KIF21B: variants seen among roughly 807,000 people sequenced by gnomAD.
KIF21B encodes the protein kinesin-like protein KIF21B.
In KIF21B, 85 loss-of-function variants were observed where a neutral mutation model predicts 192.9. The ratio of observed to expected loss-of-function variants is 0.44; its 90% CI spans 0.37 to 0.53. The LOEUF is 0.53. Ranked by LOEUF, KIF21B falls within the 20% of genes least tolerant of loss-of-function variation. The pLI, the probability that KIF21B is intolerant of heterozygous loss-of-function variation, is 0.00. For missense variants in KIF21B, 1,716 were observed against 2,194.8 expected (o/e 0.78, Z 4.36); for synonymous variants, 832 against 884.6 (o/e 0.94, Z 1.05).
rs924419494 is a variant in KIF21B, at chr1:200,972,237, C to T, written c.*1284G>A. 2 of 152,306 alleles carry T rather than the reference C, an allele frequency of 1.3e-5. No homozygotes were observed. The highest frequency in any genetic ancestry group is 2.4e-5 in the African/African-American group (1 of 41,444). 9.4% of individuals were successfully genotyped at this position (152,306 alleles called of 1,614,324 possible). ...CTCCCTCTTCCTTGATAATTTTCTG[C>T]AAGGGAGGGCCTGCGCTCCATGCCA... On this transcript the variant is annotated 3_prime_UTR_variant, in exon 35 of 35. Transcript: ENST00000461742.
Position 200,975,311 on chromosome 1 carries a change from G to A in KIF21B, c.4614+188C>T, listed in dbSNP as rs1557994801. Among the ~76,000 whole-genome samples the A allele has an allele frequency of 6.6e-6, 1 of 152,200 alleles. No individual in the cohort carries two copies. Among genetic ancestry groups the A allele is most frequent in the African/African-American group, 2.4e-5 (1 of 41,442 alleles). On this transcript the variant is annotated intron_variant, in intron 33 of 34. Transcript: ENST00000461742. This position sits in a 1 kb window ranked among gnomAD's most constrained non-coding sequence, Gnocchi z 4.3. ...AAGAGGGAGATGTGGCATCAGGAGA[G>A]GCCGCGGGTAGGGAAGAAGGGAGGA...
At chr1:200,992,411 G>A in intron 15 of KIF21B, 22 bp from the exon 16 acceptor site, 2 of 1,610,122 alleles carry the variant, frequency 1.2e-6, no homozygotes, top group Non-Finnish European at 1.7e-6. Flanking sequence ...AGAGATTATG[G>A]TGGTGAGACA....
At chr1:200,981,343 C>T (rs780751175) in intron 28 of KIF21B, among the ~76,000 whole-genome samples, 2 of 152,204 alleles carry the variant, frequency 1.3e-5, no homozygotes, top group Non-Finnish European at 2.9e-5. Flanking sequence ...GGGAAGCAAA[C>T]CCGGTGTTAG....
Position 201,000,930 on chromosome 1 carries a change from A to C in KIF21B, c.1403-150T>G, listed in dbSNP as rs573624611. 1.1e-4 allele frequency: 84 copies of C among 733,546 alleles called. No homozygotes were observed. The highest frequency in any genetic ancestry group is 1.7e-4 in the Non-Finnish European group (72 of 420,580). 45.4% of individuals were successfully genotyped at this position (733,546 alleles called of 1,614,324 possible). A position where few individuals can be genotyped will look rare whatever the true frequency, so the allele number is the denominator to read the frequency against. ...CGAGACTAGCCTGACCAACATGGAG[A>C]AACCCCGTCTCTACTAAAAATACAA... On this transcript the variant is annotated intron_variant, in intron 9 of 34. Transcript: ENST00000461742. This position sits in a 1 kb window ranked among gnomAD's most constrained non-coding sequence, Gnocchi z 6.0.
intron 1 of KIF21B, 53 bp from the exon 2 acceptor site, chr1:201,009,541 A>G: frequency 2.0e-6 from 3 of 1,515,680 alleles, no homozygotes; most frequent in Non-Finnish European, 2.7e-6. Flanking sequence ...GGGGGCTGCC[A>G]CAGGCCCCTC....
intron 1 of KIF21B, among the ~76,000 whole-genome samples, chr1:201,022,717 C>CAG (rs1338618881): frequency 2.6e-5 from 4 of 152,214 alleles, no homozygotes; most frequent in African/African-American, 7.2e-5. Context: ...CCTGCCCTCT[C>CAG]AGAGAGAAGC....
chr1:200,974,590 TG>T, intron 34 of KIF21B, 123 bp downstream of exon 34: 1 of 985,732 alleles, frequency 1.0e-6, no homozygotes, highest in East Asian at 2.5e-5. Flanking sequence ...GAGGCCACCA[TG>T]GAATCTGCTC....
Position 200,972,197 on chromosome 1 carries a change from G to A in KIF21B, c.*1324C>T, listed in dbSNP as rs1655252897. Reference sequence around the variant, plus strand: ...GCTCCGCGTCCCCAGCCCCGGGGCAGAGAAACTCTGCCAACTCCCTCTTCC... The same window carrying A: ...GCTCCGCGTCCCCAGCCCCGGGGCAAAGAAACTCTGCCAACTCCCTCTTCC... On this transcript the variant is annotated 3_prime_UTR_variant, in exon 35 of 35. Coordinates refer to ENST00000461742, the MANE Select transcript of KIF21B (RefSeq NM_001252102.2). 1 of 152,360 alleles carries A rather than the reference G, an allele frequency of 6.6e-6. No homozygotes were observed. The highest frequency in any genetic ancestry group is 2.4e-5 in the African/African-American group (1 of 41,454). The allele number at this position is 152,360 out of a possible 1,614,324, so 9.4% of individuals were successfully genotyped here.
chr1:200,994,079 G>A (rs1012307850), intron 15 of KIF21B, among the ~76,000 whole-genome samples: 1 of 152,210 alleles, frequency 6.6e-6, no homozygotes, highest in African/African-American at 2.4e-5. Flanking sequence ...TTCCTGGGGA[G>A]GTGCTATGTC....
intron 30 of KIF21B, 104 bp downstream of exon 30, chr1:200,979,431 T>C (rs768973066): frequency 7.4e-6 from 6 of 810,244 alleles, no homozygotes; most frequent in Admixed American, 3.4e-5. Context: ...TGTGCCCATG[T>C]AGCCGGGCTG....
rs369968433 is a variant in KIF21B at position 200,988,752 on chromosome 1, G to A, written c.3298+14C>T. On this transcript the variant is annotated intron_variant, in intron 22 of 34. Transcript: ENST00000461742. ...GCCAAGGAGCTGGCAGCTTCCAACC[G>A]CCCCTACCCGTACCCTGCTGCACAT... The A allele has an allele frequency of 5.0e-5, 79 of 1,595,120 alleles. 2 individuals carry two copies. The highest frequency in any genetic ancestry group is 3.5e-4 in the South Asian group (31 of 89,404).
chr1:200,992,454 G>A, intron 15 of KIF21B, 65 bp from the exon 16 acceptor site: 1 of 1,527,750 alleles, frequency 6.5e-7, no homozygotes, highest in Non-Finnish European at 9.0e-7. Context: ...CACTCTCCAG[G>A]GAGGGGCCAG....
intron 34 of KIF21B, chr1:200,974,008 A>AAG: frequency 2.6e-6 from 4 of 1,561,182 alleles, no homozygotes; most frequent in Non-Finnish European, 3.5e-6. Flanking sequence ...TCATACCGTT[A>AAG]AGAAGCAGCT....
At chr1:201,012,679 G>A (rs914341783) in intron 1 of KIF21B, among the ~76,000 whole-genome samples, 2 of 148,850 alleles carry the variant, frequency 1.3e-5, no homozygotes, top group East Asian at 3.9e-4. Context: ...GTCTCACCTT[G>A]TTGCCCCAGG....
chr1:201,014,307 G>C (rs988638214), intron 1 of KIF21B, among the ~76,000 whole-genome samples: 1 of 152,212 alleles, frequency 6.6e-6, no homozygotes, highest in Non-Finnish European at 1.5e-5. Flanking sequence ...CCCCTGACCC[G>C]CTGGGTGCCT....
intron 24 of KIF21B, among the ~76,000 whole-genome samples, chr1:200,987,444 A>G (rs1447040062): frequency 6.6e-6 from 1 of 151,728 alleles, no homozygotes; most frequent in African/African-American, 2.4e-5. Flanking sequence ...GGGTCTCGCC[A>G]TGTTGTCCAG....
chr1:201,007,053 CACACACACACAGACACACACAG>C (rs1657883071), intron 3 of KIF21B, among the ~76,000 whole-genome samples: 1 of 146,978 alleles, frequency 6.8e-6, no homozygotes, highest in African/African-American at 2.6e-5. Flanking sequence ...CACATAGACA[CACACACACACAGACACACACAG>C]ACACACACAC....
rs1275521277 is a variant in KIF21B, at chr1:200,988,010, G to T, written c.3408+286C>A. ...TGGGGGAAAGGGGATATTTTTGAAA[G>T]CAGGGCCCCTGGTTATGGTGCTGTT... On this transcript the variant is annotated intron_variant, in intron 24 of 34. Transcript: ENST00000461742. Among the ~76,000 whole-genome samples, 4 of 152,214 alleles carry T rather than the reference G, an allele frequency of 2.6e-5. No individual in the cohort carries two copies. The South Asian group carries it at 6.2e-4, about 24-fold the overall frequency.
rs1655198177 is a variant in KIF21B, at chr1:200,971,273, C to T, written c.*2248G>A. On this transcript the variant is annotated 3_prime_UTR_variant, in exon 35 of 35. Coordinates refer to ENST00000461742, the MANE Select transcript of KIF21B (RefSeq NM_001252102.2). Reference sequence around the variant, plus strand: ...CTTCAAGTTTAGAGAGTCAATGACACTTGCCAGGACAGCAGAGCTGGCCCC... The same window carrying T: ...CTTCAAGTTTAGAGAGTCAATGACATTTGCCAGGACAGCAGAGCTGGCCCC... 6.6e-6 allele frequency: 1 copy of T among 152,664 alleles called. No homozygotes were observed. The highest frequency in any genetic ancestry group is 2.4e-5 in the African/African-American group (1 of 41,474). The allele number at this position is 152,664 out of a possible 1,614,324, so 9.5% of individuals were successfully genotyped here.
Sources: allele counts gnomAD v4.1 joint callset (sites outside exome capture counted in the v4.1 genomes callset), GRCh38; gene constraint gnomAD v4.1.1; non-coding constraint Gnocchi (gnomAD v3.1); transcripts MANE v1.5; gene names NCBI Gene and HGNC (gene_info 2026-07-23, HGNC 2026-07-21).